The following DGKD variants were observed in gnomAD, a reference collection of about 807,000 sequenced individuals.
DGKD encodes the protein diacylglycerol kinase delta, also known as DAG kinase delta.
DGKD carries 68 observed loss-of-function variants against 154.4 expected under a neutral mutation model. That is an observed-to-expected ratio of 0.44 (90% CI 0.36 to 0.54). The LOEUF (loss-of-function observed/expected upper bound fraction) is 0.54, where lower values mean the gene tolerates loss of function less well. Ranked by LOEUF, DGKD falls within the 20% of genes least tolerant of loss-of-function variation. DGKD has a pLI of 0.00. For missense variants in DGKD, 1,343 were observed against 1,593.6 expected, an observed-to-expected ratio of 0.84 and a Z score of 2.68; for synonymous variants, 693 against 638.0, an observed-to-expected ratio of 1.09 and a Z score of -1.30.
chr2:233,401,701 A>G lies in DGKD; in HGVS notation c.348+11218A>G, dbSNP rs530794730. On this transcript the variant is annotated intron_variant, in intron 3 of 29. Transcript: ENST00000264057. The stretch of plus-strand genomic sequence containing the variant: ...TTTGGGAAGCTGAGGCGGTGGTTCA[A>G]CTGAGGACAGGAATTCAAGACCAGC... Among the ~76,000 whole-genome samples the G allele has an allele frequency of 1.6e-3, 246 of 152,072 alleles. 1 individual carries two copies. The highest frequency in any genetic ancestry group is 2.3e-3 in the Non-Finnish European group (154 of 67,968).
chr2:233,387,283 A>G (rs1054403858), intron 1 of DGKD, among the ~76,000 whole-genome samples: 1 of 152,170 alleles, frequency 6.6e-6, no homozygotes, highest in Non-Finnish European at 1.5e-5. Flanking sequence ...CTCTGAACCA[A>G]TGTGCTTGTC....
intron 12 of DGKD, 31 bp downstream of exon 12, chr2:233,446,827 C>T (rs550158708): frequency 2.1e-5 from 34 of 1,611,676 alleles, no homozygotes; most frequent in Admixed American, 1.0e-4. Flanking sequence ...ACACCCTGCT[C>T]GCATGCTGAT....
intron 3 of DGKD, among the ~76,000 whole-genome samples, chr2:233,415,438 C>T (rs1189635836): frequency 6.6e-6 from 1 of 152,182 alleles, no homozygotes; most frequent in Non-Finnish European, 1.5e-5. Flanking sequence ...ACCTCCATTG[C>T]TGTCTCTAGC....
Position 233,438,464 on chromosome 2 carries a change from G to A in DGKD, c.1085+85G>A. The A allele has an allele frequency of 2.8e-6, 4 of 1,451,646 alleles. No individual in the cohort carries two copies. Among genetic ancestry groups the A allele is most frequent in the South Asian group, 1.4e-5 (1 of 72,806 alleles). 89.9% of individuals were successfully genotyped at this position (1,451,646 alleles called of 1,614,324 possible). On this transcript the variant is annotated intron_variant, in intron 9 of 29. Coordinates refer to ENST00000264057, the MANE Select transcript of DGKD (RefSeq NM_152879.3). The surrounding 1 kb of genome is among the most constrained non-coding windows in gnomAD (Gnocchi z 4.1). The stretch of plus-strand genomic sequence containing the variant: ...GCTTGTTAAAAAAAAAAAGTTCAAA[G>A]ACACAAAGCTTTAAATAGGAAAGAA...
chr2:233,375,838 C>G (rs1702546798), intron 1 of DGKD, among the ~76,000 whole-genome samples: 1 of 152,174 alleles, frequency 6.6e-6, no homozygotes, highest in South Asian at 2.1e-4. Flanking sequence ...TACCCACACC[C>G]CTACTTTTCT....
intron 1 of DGKD, among the ~76,000 whole-genome samples, chr2:233,385,289 G>A (rs1479100571): frequency 6.6e-6 from 1 of 152,192 alleles, no homozygotes; most frequent in Non-Finnish European, 1.5e-5. Flanking sequence ...GTCAGTGGGT[G>A]GCCGTGGACC....
At chr2:233,369,068 T>G (rs1316198306) in intron 1 of DGKD, among the ~76,000 whole-genome samples, 1 of 152,224 alleles carries the variant, frequency 6.6e-6, no homozygotes, top group Non-Finnish European at 1.5e-5. Context: ...TGTCTCAGCC[T>G]CATAAAGTGA....
intron 1 of DGKD, among the ~76,000 whole-genome samples, chr2:233,384,275 A>G (rs900802385): frequency 1.3e-5 from 2 of 151,968 alleles, no homozygotes; most frequent in African/African-American, 2.4e-5. Flanking sequence ...GCTGCATTGG[A>G]CATCACTGAT....
chr2:233,378,988 G>A (rs530498727), intron 1 of DGKD, among the ~76,000 whole-genome samples: 1 of 152,334 alleles, frequency 6.6e-6, no homozygotes, highest in South Asian at 2.1e-4. Context: ...CTGTGATTGA[G>A]CCACTGTAGC....
At chr2:233,448,915 C>T (rs560274387) in intron 14 of DGKD, among the ~76,000 whole-genome samples, 188 bp from the exon 15 acceptor site, 2 of 152,296 alleles carry the variant, frequency 1.3e-5, no homozygotes, top group South Asian at 4.2e-4. Flanking sequence ...TTCCCACCTG[C>T]CAGGGCGGGA....
intron 28 of DGKD, 33 bp from the exon 29 acceptor site, chr2:233,468,390 C>T: frequency 6.2e-7 from 1 of 1,610,288 alleles, no homozygotes; most frequent in Admixed American, 1.7e-5. Flanking sequence ...GCTCTGGGCA[C>T]TCACTGCACT....
At chr2:233,417,335 C>G (rs944748316) in intron 3 of DGKD, among the ~76,000 whole-genome samples, 1 of 152,256 alleles carries the variant, frequency 6.6e-6, no homozygotes, top group East Asian at 1.9e-4. Flanking sequence ...GCCTAGCCCC[C>G]CTTGTGCATT....
intron 3 of DGKD, among the ~76,000 whole-genome samples, chr2:233,424,197 C>T (rs1040944390): frequency 2.6e-5 from 4 of 152,116 alleles, no homozygotes; most frequent in Non-Finnish European, 4.4e-5. Flanking sequence ...GTGGTTTCAG[C>T]GTGACACAGT....
chr2:233,444,955 C>T (rs2124822681), intron 10 of DGKD, among the ~76,000 whole-genome samples: 1 of 152,082 alleles, frequency 6.6e-6, no homozygotes, highest in South Asian at 2.1e-4. Context: ...TTTAAGAGGC[C>T]TCCTAAGCAA....
chr2:233,371,220 T>C (rs1458563051), intron 1 of DGKD, among the ~76,000 whole-genome samples: 1 of 152,030 alleles, frequency 6.6e-6, no homozygotes, highest in Non-Finnish European at 1.5e-5. Context: ...CTTGTTACTT[T>C]CCACTTATTA....
At chr2:233,398,173 C>G (rs13406449) in intron 3 of DGKD, among the ~76,000 whole-genome samples, 26 of 142,610 alleles carry the variant, frequency 1.8e-4, no homozygotes, top group South Asian at 4.4e-4. Flanking sequence ...GATGGAGTCT[C>G]GCTCTGTTGC....
chr2:233,411,737 G>T (rs143001585), intron 3 of DGKD, among the ~76,000 whole-genome samples: 1 of 152,070 alleles, frequency 6.6e-6, no homozygotes, highest in Non-Finnish European at 1.5e-5. Context: ...GAAAACCCTT[G>T]TCTACCTCGG....
chr2:233,380,308 A>G (rs1051248700), intron 1 of DGKD, among the ~76,000 whole-genome samples: 3 of 152,194 alleles, frequency 2.0e-5, no homozygotes, highest in Non-Finnish European at 1.5e-5. Flanking sequence ...CTGCAAGACT[A>G]GGTTGGATTA....
At chr2:233,398,078 TC>T in intron 3 of DGKD, among the ~76,000 whole-genome samples, 1 of 59,872 alleles carries the variant, frequency 1.7e-5, no homozygotes, top group African/African-American at 6.6e-5. Context: ...CCCTCCCAGC[TC>T]CCACCCCCCA....
Sources: allele counts gnomAD v4.1 joint callset (sites outside exome capture counted in the v4.1 genomes callset), GRCh38; gene constraint gnomAD v4.1.1; non-coding constraint Gnocchi (gnomAD v3.1); transcripts MANE v1.5; gene names NCBI Gene and HGNC (gene_info 2026-07-23, HGNC 2026-07-21).